Variants in NPAS3 observed in about 807,000 individuals in gnomAD.
NPAS3 encodes the protein neuronal PAS domain protein 3.
In NPAS3, 14 loss-of-function variants were observed where a neutral mutation model predicts 73.1. The ratio of observed to expected loss-of-function variants is 0.19; its 90% CI spans 0.13 to 0.30. NPAS3 has a LOEUF of 0.30. Ranked by LOEUF, NPAS3 falls within the 10% of genes least tolerant of loss-of-function variation. The pLI is 1.00. For synonymous variants in NPAS3, 620 were observed against 541.5 expected (o/e 1.14, Z -2.01); for missense variants, 1,096 against 1,250.0 (o/e 0.88, Z 1.86).
chr14:33,735,537 A>G (rs76540810), intron 7 of NPAS3, among the ~76,000 whole-genome samples: 9,449 of 151,902 alleles, frequency 0.062, 581 homozygotes, highest in African/African-American at 0.16. Flanking sequence ...TGCACTAAAA[A>G]CCCCAATATA....
intron 3 of NPAS3, among the ~76,000 whole-genome samples, chr14:33,246,411 C>A (rs1233069244): frequency 6.6e-6 from 1 of 150,884 alleles, no homozygotes; most frequent in Non-Finnish European, 1.5e-5. Flanking sequence ...TGGTGGCGGG[C>A]ACGTGTAGTC....
chr14:33,409,630 T>A (rs1431550125), intron 4 of NPAS3, among the ~76,000 whole-genome samples: 1 of 152,194 alleles, frequency 6.6e-6, no homozygotes, highest in African/African-American at 2.4e-5. Context: ...ACTAGCTTAA[T>A]TTGAGAGTAG....
chr14:33,707,598 G>T (rs903299392), intron 6 of NPAS3, among the ~76,000 whole-genome samples: 1 of 152,162 alleles, frequency 6.6e-6, no homozygotes, highest in Non-Finnish European at 1.5e-5. Flanking sequence ...GGTTCAAATC[G>T]CAGGAATGCA....
At chr14:33,357,033 C>A (rs904137977) in intron 3 of NPAS3, among the ~76,000 whole-genome samples, 11 of 152,232 alleles carry the variant, frequency 7.2e-5, no homozygotes, top group African/African-American at 2.7e-4. Flanking sequence ...TATTTTCTAA[C>A]TTTCCCTAAA....
At chr14:33,486,833 A>C (rs2051626560) in intron 4 of NPAS3, among the ~76,000 whole-genome samples, 2 of 152,158 alleles carry the variant, frequency 1.3e-5, no homozygotes, top group East Asian at 1.9e-4. Flanking sequence ...TCCAGACCAA[A>C]CTCAGTAGAC....
chr14:33,713,479 C>T (rs576385185), intron 6 of NPAS3, among the ~76,000 whole-genome samples: 126 of 152,362 alleles, frequency 8.3e-4, no homozygotes, highest in African/African-American at 2.9e-3. Flanking sequence ...GCAGACTTCC[C>T]TAACTTCTCA....
intron 3 of NPAS3, among the ~76,000 whole-genome samples, chr14:33,360,124 G>A (rs750534936): frequency 1.4e-4 from 21 of 152,280 alleles, no homozygotes; most frequent in African/African-American, 4.8e-4. Flanking sequence ...CGTCAGCTTC[G>A]CATCCCGAGT....
At chr14:33,351,655 T>A (rs1039970136) in intron 3 of NPAS3, among the ~76,000 whole-genome samples, 3 of 152,234 alleles carry the variant, frequency 2.0e-5, no homozygotes, top group Admixed American at 2.0e-4. Flanking sequence ...TCACAAAAGA[T>A]CATTACACTC....
At chr14:33,148,671 A>G (rs892695222) in intron 2 of NPAS3, among the ~76,000 whole-genome samples, 25 of 152,234 alleles carry the variant, frequency 1.6e-4, no homozygotes, top group Middle Eastern at 3.4e-3. Context: ...GATTTGCATT[A>G]TATTTCTTTT....
chr14:33,261,715 AGT>A (rs1368911973), intron 3 of NPAS3, among the ~76,000 whole-genome samples: 1 of 152,202 alleles, frequency 6.6e-6, no homozygotes, highest in Non-Finnish European at 1.5e-5. Flanking sequence ...TATGTGTCAA[AGT>A]AATTTTCCTC....
intron 1 of NPAS3, among the ~76,000 whole-genome samples, chr14:33,010,950 AAAAAAG>A (rs2039171324): frequency 2.1e-5 from 2 of 94,564 alleles, no homozygotes; most frequent in African/African-American, 2.8e-5. Context: ...AAAAAAAAAA[AAAAAAG>A]AAAAGAAAAA....
intron 1 of NPAS3, among the ~76,000 whole-genome samples, chr14:32,975,872 TG>T (rs1815901331): frequency 9.4e-6 from 1 of 106,008 alleles, no homozygotes; most frequent in African/African-American, 2.8e-5. Context: ...TGTGTGTGTG[TG>T]TGTGTGTGTG....
chr14:33,130,687 G>C (rs888150651), intron 2 of NPAS3, among the ~76,000 whole-genome samples: 4 of 152,092 alleles, frequency 2.6e-5, no homozygotes, highest in Non-Finnish European at 4.4e-5. Flanking sequence ...GGAGGAGCTG[G>C]CTTCCTAGTC....
chr14:33,654,236 A>C (rs2059081177), intron 5 of NPAS3, among the ~76,000 whole-genome samples: 1 of 152,048 alleles, frequency 6.6e-6, no homozygotes, highest in African/African-American at 2.4e-5. Context: ...TAATCAATCA[A>C]TTAATCTCAG....
chr14:32,965,944 T>G, intron 1 of NPAS3, among the ~76,000 whole-genome samples: 1 of 151,924 alleles, frequency 6.6e-6, no homozygotes, highest in East Asian at 1.9e-4. Context: ...AAGAAAGAAA[T>G]CAATCACGTT....
chr14:33,794,679 TAAC>T (rs1482310520), intron 10 of NPAS3, among the ~76,000 whole-genome samples: 1 of 151,880 alleles, frequency 6.6e-6, no homozygotes, highest in Non-Finnish European at 1.5e-5. Context: ...AATGTGTCCT[TAAC>T]AGTCTATCTG....
intron 5 of NPAS3, among the ~76,000 whole-genome samples, chr14:33,588,544 C>T (rs2056948996): frequency 6.6e-6 from 1 of 152,198 alleles, no homozygotes. Flanking sequence ...TTAATTCCTT[C>T]TGCTGTTAGC....
intron 1 of NPAS3, among the ~76,000 whole-genome samples, chr14:32,943,698 T>C (rs1348826121): frequency 5.3e-5 from 8 of 150,230 alleles, no homozygotes; most frequent in African/African-American, 1.9e-4. Context: ...TTTTTCTTTT[T>C]TTTTTTTTTT....
intron 6 of NPAS3, among the ~76,000 whole-genome samples, chr14:33,721,449 T>G (rs1363774795): frequency 2.6e-5 from 4 of 152,180 alleles, no homozygotes; most frequent in Non-Finnish European, 5.9e-5. Flanking sequence ...ATTTAAAGAC[T>G]ATGACTTGTG....
Sources: allele counts gnomAD v4.1 joint callset (sites outside exome capture counted in the v4.1 genomes callset), GRCh38; gene constraint gnomAD v4.1.1; transcripts MANE v1.5; gene names NCBI Gene and HGNC (gene_info 2026-07-23, HGNC 2026-07-21).